Variants in TESK2 observed in about 807,000 individuals in gnomAD.
TESK2 encodes dual specificity testis-specific protein kinase 2.
Under a neutral mutation model 57.1 loss-of-function variants are expected in TESK2, and 39 were observed. The observed-to-expected ratio is 0.68, with a 90% confidence interval of 0.53 to 0.89. The LOEUF (loss-of-function observed/expected upper bound fraction) is 0.89. Among genes scored for constraint, TESK2 ranks in the 40% least tolerant of loss-of-function variants. The pLI is 0.00. For missense variants in TESK2, 646 were observed against 732.1 expected, an observed-to-expected ratio of 0.88 and a Z score of 1.36; for synonymous variants, 249 against 267.9, an observed-to-expected ratio of 0.93 and a Z score of 0.69.
At chr1:45,455,451 TCTTACGGG>T (rs1652051410) in intron 2 of TESK2, among the ~76,000 whole-genome samples, 1 of 152,190 alleles carries the variant, frequency 6.6e-6, no homozygotes, top group Admixed American at 6.6e-5. Flanking sequence ...AGCCCCCATC[TCTTACGGG>T]AGATGAATTT....
chr1:45,354,283 A>C (rs749947639), intron 5 of TESK2, among the ~76,000 whole-genome samples: 10 of 151,816 alleles, frequency 6.6e-5, no homozygotes, highest in Non-Finnish European at 1.3e-4. Flanking sequence ...TGAGCTCACA[A>C]GTTTGAGACC....
chr1:45,375,056 C>T (rs113720934), intron 4 of TESK2, among the ~76,000 whole-genome samples: 7 of 152,334 alleles, frequency 4.6e-5, no homozygotes, highest in African/African-American at 1.4e-4. Flanking sequence ...ATGTATTGCA[C>T]AGACTTTATT....
chr1:45,451,223 T>G lies in TESK2; in HGVS notation c.222+6341A>C, dbSNP rs139444320. On this transcript the variant is annotated intron_variant, in intron 2 of 10. Coordinates refer to ENST00000372086, the MANE Select transcript of TESK2 (RefSeq NM_007170.3). ...TATAGTTAGAGTTTATATCTACTTGTGTTTTTAGAGGAAGAACCCAAGGCC... is the reference window on the plus strand; with the variant it reads ...TATAGTTAGAGTTTATATCTACTTGGGTTTTTAGAGGAAGAACCCAAGGCC... Among the ~76,000 whole-genome samples, 812 of 152,264 alleles carry G rather than the reference T, an allele frequency of 5.3e-3. 3 individuals carry two copies. Among genetic ancestry groups the G allele is most frequent in the African/African-American group, 0.019 (784 of 41,538 alleles).
In TESK2 at chr1:45,368,384, T is replaced by C. The variant is rs531451958; in HGVS notation, c.394-12935A>G. On this transcript the variant is annotated intron_variant, in intron 4 of 10. Transcript: ENST00000372086. ...TTTGTTTTTTTTGGTTTTCTTTTGTTTTGTTTTTCAGACGGAGTCCCGCTC... is the reference window on the plus strand; with the variant it reads ...TTTGTTTTTTTTGGTTTTCTTTTGTCTTGTTTTTCAGACGGAGTCCCGCTC... Among the ~76,000 whole-genome samples, 4 of 152,138 alleles carry C rather than the reference T, an allele frequency of 2.6e-5. No homozygotes were observed. In the South Asian group the frequency reaches 6.2e-4, roughly 24 times the overall value.
intron 4 of TESK2, among the ~76,000 whole-genome samples, chr1:45,381,890 G>A (rs1538970): frequency 0.27 from 35,950 of 134,788 alleles, 4,984 homozygotes; most frequent in Admixed American, 0.4. Context: ...TTTTTAAGAG[G>A]TCTCTCTCTG....
intron 3 of TESK2, among the ~76,000 whole-genome samples, chr1:45,409,059 C>T (rs772110400): frequency 6.6e-6 from 1 of 152,144 alleles, no homozygotes; most frequent in Non-Finnish European, 1.5e-5. Flanking sequence ...TTATAAGTTT[C>T]TGTGATGCAA....
intron 2 of TESK2, among the ~76,000 whole-genome samples, chr1:45,444,176 T>TAAA (rs34789802): frequency 7.6e-6 from 1 of 131,560 alleles, no homozygotes. Flanking sequence ...GAGACTCTAT[T>TAAA]AAAAAAAAAA....
At chr1:45,371,469 C>T (rs1217246775) in intron 4 of TESK2, among the ~76,000 whole-genome samples, 5 of 152,204 alleles carry the variant, frequency 3.3e-5, no homozygotes, top group Admixed American at 2.6e-4. Context: ...ATGGATGAAC[C>T]TTGTGGATAT....
At chr1:45,399,095 TCA>T in intron 3 of TESK2, 2 of 335,408 alleles carry the variant, frequency 6.0e-6, no homozygotes, top group Non-Finnish European at 1.2e-5. Flanking sequence ...ATTGCCTTGT[TCA>T]CAGTTAGTTC....
chr1:45,347,619 T>C lies in TESK2; in HGVS notation c.698A>G (p.Tyr233Cys). The C allele has an allele frequency of 6.2e-7, 1 of 1,613,908 alleles. No homozygotes were observed. Among genetic ancestry groups the C allele is most frequent in the East Asian group, 2.2e-5 (1 of 44,870 alleles). Residue 233 changes from tyrosine (Y) to cysteine (C), a missense_variant, in exon 7 of 11, where the codon TAT (tyrosine) becomes TGT (cysteine). By Grantham distance (194) the Tyr-to-Cys change is radical. Transcript: ENST00000372086. The stretch of plus-strand genomic sequence containing the variant: ...ATCCTCCAAACTTACCTTTTCATTA[T>C]AGGGCTCATCTCGGAGAACCTCAGG... Reference protein sequence around the residue: ...MAPEVLRDEPYNEKADVFSYG... With the variant: ...MAPEVLRDEPCNEKADVFSYG...
At chr1:45,414,636 C>T (rs956265591) in intron 3 of TESK2, among the ~76,000 whole-genome samples, 2 of 152,142 alleles carry the variant, frequency 1.3e-5, no homozygotes, top group African/African-American at 4.8e-5. Flanking sequence ...CTCATCACAA[C>T]CCTACATGTT....
intron 1 of TESK2, among the ~76,000 whole-genome samples, chr1:45,462,298 G>A (rs10890331): frequency 0.53 from 79,726 of 151,354 alleles, 21,401 homozygotes; most frequent in African/African-American, 0.63. Context: ...TTTTAGATGG[G>A]GTCTCGCTCT....
chr1:45,388,888 T>C (rs1202539684), intron 3 of TESK2, among the ~76,000 whole-genome samples: 1 of 151,924 alleles, frequency 6.6e-6, no homozygotes, highest in Non-Finnish European at 1.5e-5. Context: ...GCCCGGCTAA[T>C]TTTTTGTATG....
chr1:45,471,530 C>T (rs56662953), intron 1 of TESK2, among the ~76,000 whole-genome samples: 1 of 151,854 alleles, frequency 6.6e-6, no homozygotes, highest in Non-Finnish European at 1.5e-5. Context: ...CTCCACCTCC[C>T]GAGTGGCTGG....
intron 4 of TESK2, among the ~76,000 whole-genome samples, chr1:45,369,535 G>A (rs1460027185): frequency 1.3e-5 from 2 of 151,922 alleles, no homozygotes; most frequent in Non-Finnish European, 2.9e-5. Flanking sequence ...GAAAGAATGT[G>A]TAATAACAAA....
chr1:45,349,026 C>T (rs924281262), intron 5 of TESK2, among the ~76,000 whole-genome samples: 8 of 151,996 alleles, frequency 5.3e-5, no homozygotes, highest in African/African-American at 1.9e-4. Flanking sequence ...TCAAGAGGCA[C>T]CTCACCCCAC....
chr1:45,415,267 G>C (rs1650192085), intron 3 of TESK2: 1 of 1,399,466 alleles, frequency 7.1e-7, no homozygotes, highest in African/African-American at 1.4e-5. Context: ...GAATATTGTG[G>C]AGGCCATGGG....
In TESK2 at chr1:45,346,692, C is replaced by G. The variant is rs200294172; in HGVS notation, c.879+1G>C. On this transcript the variant is annotated splice_donor_variant, in intron 9 of 10. Transcript: ENST00000372086. LOFTEE classifies it high-confidence loss of function. ...AAAGGCAGAGGGAGAAAGACACTCACGTTACAGCAGTTGAAAGTAAGTTGC... is the reference window on the plus strand; with the variant it reads ...AAAGGCAGAGGGAGAAAGACACTCAGGTTACAGCAGTTGAAAGTAAGTTGC... 2.9e-5 allele frequency: 47 copies of G among 1,612,570 alleles called. No homozygotes were observed. The highest frequency in any genetic ancestry group is 3.6e-5 in the Non-Finnish European group (43 of 1,179,236).
chr1:45,436,660 G>T (rs1276652742), intron 2 of TESK2, among the ~76,000 whole-genome samples: 3 of 150,644 alleles, frequency 2.0e-5, no homozygotes, highest in African/African-American at 7.3e-5. Flanking sequence ...AGCTAATTTT[G>T]TATTTTTAGT....
Sources: allele counts gnomAD v4.1 joint callset (sites outside exome capture counted in the v4.1 genomes callset), GRCh38; gene constraint gnomAD v4.1.1; transcripts MANE v1.5; gene names NCBI Gene and HGNC (gene_info 2026-07-23, HGNC 2026-07-21).